The following FAM135B variants were observed in gnomAD, a reference collection of about 807,000 sequenced individuals.
The protein encoded by FAM135B is protein FAM135B.
A neutral mutation model predicts 127.7 loss-of-function variants in FAM135B; 43 were observed. The ratio of observed to expected loss-of-function variants is 0.34; its 90% CI spans 0.26 to 0.43. The LOEUF (loss-of-function observed/expected upper bound fraction) is 0.43. Ranked by LOEUF, FAM135B falls within the 20% of genes least tolerant of loss-of-function variation. The pLI, the probability that FAM135B is intolerant of heterozygous loss-of-function variation, is 1.00. For synonymous variants in FAM135B, 670 were observed against 665.1 expected (o/e 1.01, Z -0.11); for missense variants, 1,558 against 1,725.6 (o/e 0.90, Z 1.72).
rs968162910 is a variant in FAM135B at position 138,497,191 on chromosome 8, G to A, written c.-540C>T. 4.6e-5 allele frequency among the ~76,000 whole-genome samples: 7 copies of A among 151,128 alleles called. No individual in the cohort carries two copies. The highest frequency in any genetic ancestry group is 1.7e-4 in the African/African-American group (7 of 41,418). The stretch of plus-strand genomic sequence containing the variant: ...GCCGCGCGCCCTCGCGGCCGGGAGA[G>A]CCCGCCCTGCTGCTCCCGCTGGCTC... On this transcript the variant is annotated 5_prime_UTR_variant, in exon 1 of 20. Transcript: ENST00000395297.
chr8:138,421,304 C>T (rs558243000), intron 1 of FAM135B, among the ~76,000 whole-genome samples: 3 of 151,896 alleles, frequency 2.0e-5, no homozygotes, highest in Non-Finnish European at 4.4e-5. Flanking sequence ...CAGAGCGAGA[C>T]TCTGTCAAAA....
intron 1 of FAM135B, among the ~76,000 whole-genome samples, chr8:138,468,730 C>T (rs1378045710): frequency 6.6e-6 from 1 of 152,116 alleles, no homozygotes; most frequent in Non-Finnish European, 1.5e-5. Context: ...TACTTTTGCA[C>T]CAACCTAATA....
intron 7 of FAM135B, among the ~76,000 whole-genome samples, chr8:138,227,354 C>T (rs538809199): frequency 1.3e-5 from 2 of 152,172 alleles, no homozygotes; most frequent in African/African-American, 4.8e-5. Context: ...CAAGGGCAGC[C>T]CACGCAGTTG....
At chr8:138,399,975 T>A (rs1257982956) in intron 1 of FAM135B, among the ~76,000 whole-genome samples, 1 of 152,198 alleles carries the variant, frequency 6.6e-6, no homozygotes, top group East Asian at 1.9e-4. Flanking sequence ...GGAGGAGCCA[T>A]GAATATATAT....
At chr8:138,161,775 G>A (rs1038841545) in intron 12 of FAM135B, among the ~76,000 whole-genome samples, 5 of 152,078 alleles carry the variant, frequency 3.3e-5, no homozygotes, top group African/African-American at 9.7e-5. Context: ...CCCTTCCCAC[G>A]ACCTACCGCA....
intron 3 of FAM135B, among the ~76,000 whole-genome samples, chr8:138,287,045 A>C (rs1375451137): frequency 6.6e-6 from 1 of 152,202 alleles, no homozygotes; most frequent in Admixed American, 6.5e-5. Flanking sequence ...CAAAAGCTTC[A>C]ATACACTAAA....
chr8:138,450,005 C>A (rs536835956), intron 1 of FAM135B, among the ~76,000 whole-genome samples: 2 of 152,308 alleles, frequency 1.3e-5, no homozygotes, highest in African/African-American at 4.8e-5. Flanking sequence ...CCCTAAAAAT[C>A]CTGCCTTCTG....
At chr8:138,471,702 A>T (rs975363103) in intron 1 of FAM135B, among the ~76,000 whole-genome samples, 3 of 152,220 alleles carry the variant, frequency 2.0e-5, no homozygotes, top group Non-Finnish European at 4.4e-5. Flanking sequence ...TGAGAAACCT[A>T]TGGTAATTTA....
chr8:138,197,554 A>C lies in FAM135B; in HGVS notation c.785T>G (p.Ile262Ser). 1 of 1,613,942 alleles carries C rather than the reference A, an allele frequency of 6.2e-7. No homozygotes were observed. Among genetic ancestry groups the C allele is most frequent in the Admixed American group, 1.7e-5 (1 of 59,994 alleles). Reference protein sequence around the residue: ...YRGLRLHFLVIMRDIPELPHT... With the variant: ...YRGLRLHFLVSMRDIPELPHT... ...TGGCAGCTCTGGGATGTCCCGCATG[A>C]TCACCAGGAAGTGGAGACGGAGACC... Residue 262 changes from isoleucine to serine, a missense_variant, in exon 8 of 20, where the codon ATC becomes AGC. Transcript: ENST00000395297.
Position 138,489,909 on chromosome 8 carries a change from T to C in FAM135B, c.-20+6762A>G, listed in dbSNP as rs551196798. 2.6e-5 allele frequency among the ~76,000 whole-genome samples: 4 copies of C among 152,368 alleles called. No homozygotes were observed. The East Asian group carries it at 7.7e-4, about 29-fold the overall frequency. On this transcript the variant is annotated intron_variant, in intron 1 of 19. Coordinates refer to ENST00000395297, the MANE Select transcript of FAM135B (RefSeq NM_015912.4). Reference sequence around the variant, plus strand: ...TCCTCCAGGAAGCCCCTCGTGGCATTCCCAAGTGGGGTTAGGTGTCCTTCT... The same window carrying C: ...TCCTCCAGGAAGCCCCTCGTGGCATCCCCAAGTGGGGTTAGGTGTCCTTCT...
chr8:138,292,020 C>A (rs557959460), intron 3 of FAM135B, among the ~76,000 whole-genome samples: 2 of 151,898 alleles, frequency 1.3e-5, no homozygotes, highest in East Asian at 3.9e-4. Context: ...TACAGAGAAG[C>A]CTAAAAATTC....
intron 12 of FAM135B, among the ~76,000 whole-genome samples, chr8:138,165,649 C>G (rs963423351): frequency 6.6e-6 from 1 of 152,134 alleles, no homozygotes; most frequent in Admixed American, 6.5e-5. Flanking sequence ...AATCATGTAA[C>G]TCTAATGAAG....
At chr8:138,385,445 A>G (rs1188449498) in intron 1 of FAM135B, among the ~76,000 whole-genome samples, 1 of 152,190 alleles carries the variant, frequency 6.6e-6, no homozygotes, top group African/African-American at 2.4e-5. Flanking sequence ...CGATTGAACT[A>G]AAGGTAAACA....
intron 14 of FAM135B, among the ~76,000 whole-genome samples, 163 bp downstream of exon 14, chr8:138,148,357 A>G (rs889571720): frequency 4.6e-5 from 7 of 152,186 alleles, no homozygotes; most frequent in African/African-American, 1.7e-4. Flanking sequence ...TATTTTCTTC[A>G]ACAGCAAGCC....
chr8:138,326,226 T>C (rs1427569680), intron 2 of FAM135B, among the ~76,000 whole-genome samples: 11 of 152,134 alleles, frequency 7.2e-5, no homozygotes, highest in Non-Finnish European at 8.8e-5. Context: ...CATGTGTCAA[T>C]GTTGTGCTCA....
intron 1 of FAM135B, among the ~76,000 whole-genome samples, chr8:138,414,033 C>G (rs1368399000): frequency 6.6e-6 from 1 of 151,322 alleles, no homozygotes; most frequent in Non-Finnish European, 1.5e-5. Context: ...GAAATGTCTA[C>G]AGATCAATGA....
At chr8:138,159,132 C>T (rs11997656) in intron 12 of FAM135B, among the ~76,000 whole-genome samples, 94,847 of 140,540 alleles carry the variant, frequency 0.67, 31,701 homozygotes, top group East Asian at 0.77. Context: ...ATTAGCCGGG[C>T]GCGGTGGCGG....
At chr8:138,314,089 T>A (rs1826895778) in intron 2 of FAM135B, among the ~76,000 whole-genome samples, 1 of 152,184 alleles carries the variant, frequency 6.6e-6, no homozygotes. Context: ...AATGCTGTGA[T>A]GTGCCCCATG....
At chr8:138,240,335 G>A (rs908945877) in intron 7 of FAM135B, among the ~76,000 whole-genome samples, 2 of 152,064 alleles carry the variant, frequency 1.3e-5, no homozygotes, top group African/African-American at 4.8e-5. Context: ...GGACTGAAAT[G>A]GTCTATCATG....
Sources: gnomAD v4.1 joint callset for allele counts (sites outside exome capture counted in the v4.1 genomes callset) on GRCh38, gnomAD v4.1.1 for gene constraint, MANE v1.5 for transcripts, NCBI Gene and HGNC (gene_info 2026-07-23, HGNC 2026-07-21) for gene names.